ADGRV1: variants seen among roughly 807,000 people sequenced by gnomAD.
ADGRV1 encodes adhesion G protein-coupled receptor V1, also known as G-protein coupled receptor 98.
A neutral mutation model predicts 596.2 loss-of-function variants in ADGRV1; 359 were observed. The observed-to-expected ratio is 0.60, with a 90% CI of 0.55 to 0.66. The LOEUF (loss-of-function observed/expected upper bound fraction) is 0.66. Among genes scored for constraint, ADGRV1 ranks in the 30% least tolerant of loss-of-function variants. The pLI is 0.00. For missense variants in ADGRV1, 7,274 were observed against 7,575.6 expected (o/e 0.96, Z 1.48); for synonymous variants, 2,681 against 2,679.2 (o/e 1.00, Z -0.02).
rs149242792 is a variant in ADGRV1 at position 90,623,362 on chromosome 5, T to G, written c.558+661T>G. Among the ~76,000 whole-genome samples the G allele has an allele frequency of 1.1e-3, 167 of 152,270 alleles. 3 individuals carry two copies. In the East Asian group the frequency reaches 0.024, roughly 22 times the overall value. On this transcript the variant is annotated intron_variant, in intron 5 of 89. Coordinates refer to ENST00000405460, the MANE Select transcript of ADGRV1 (RefSeq NM_032119.4). ...CAGGAAATTTTAAAATACCCATGGA[T>G]TACTTAGGTTTACATAAAATTATTT...
At chr5:91,056,967 C>T (rs376698113) in intron 85 of ADGRV1, among the ~76,000 whole-genome samples, 9 of 152,118 alleles carry the variant, frequency 5.9e-5, no homozygotes, top group Middle Eastern at 3.2e-3. Context: ...AACCATAAAT[C>T]GAGAAATGCC....
chr5:90,672,070 A>T (rs543720465), intron 21 of ADGRV1, among the ~76,000 whole-genome samples: 1 of 152,200 alleles, frequency 6.6e-6, no homozygotes, highest in African/African-American at 2.4e-5. Context: ...ATTGCTTCTT[A>T]TGTCTGTGCC....
intron 58 of ADGRV1, 78 bp from the exon 59 acceptor site, chr5:90,763,227 A>T: frequency 8.5e-7 from 1 of 1,172,554 alleles, no homozygotes; most frequent in Non-Finnish European, 1.1e-6. Flanking sequence ...CATTGTAAAC[A>T]GAAATAAGAT....
chr5:90,594,507 A>ATTG (rs1759985180), intron 1 of ADGRV1, among the ~76,000 whole-genome samples: 6 of 97,404 alleles, frequency 6.2e-5, no homozygotes, highest in African/African-American at 1.8e-4. Context: ...TTTTTTTTTT[A>ATTG]ATCATTCTTG....
At chr5:91,033,742 A>G (rs1404444598) in intron 85 of ADGRV1, among the ~76,000 whole-genome samples, 1 of 152,178 alleles carries the variant, frequency 6.6e-6, no homozygotes, top group Admixed American at 6.5e-5. Flanking sequence ...ATGAGGATTT[A>G]TGATTCCAAA....
intron 85 of ADGRV1, among the ~76,000 whole-genome samples, chr5:91,008,541 TCACC>T (rs1257096371): frequency 6.6e-6 from 1 of 152,154 alleles, no homozygotes; most frequent in African/African-American, 2.4e-5. Context: ...TCTCGCTCTG[TCACC>T]CAGGCTGGAG....
intron 45 of ADGRV1, among the ~76,000 whole-genome samples, chr5:90,724,420 G>A (rs1159730478): frequency 2.6e-5 from 4 of 152,050 alleles, no homozygotes; most frequent in Admixed American, 6.5e-5. Context: ...AGTAGAGAAC[G>A]GTTTCACCAT....
chr5:90,562,891 G>A, intron 1 of ADGRV1, among the ~76,000 whole-genome samples: 1 of 152,166 alleles, frequency 6.6e-6, no homozygotes, highest in Middle Eastern at 3.4e-3. Context: ...ATGTTTTCTG[G>A]TTATTTTAAT....
At chr5:90,711,360 T>C (rs777988200) in intron 41 of ADGRV1, 38 bp downstream of exon 41, 1 of 1,509,768 alleles carries the variant, frequency 6.6e-7, no homozygotes, top group East Asian at 2.3e-5. Context: ...CTTTTACAAA[T>C]TATTTTATAA....
rs200876463 is a variant in ADGRV1 at position 90,853,549 on chromosome 5, A to G, written c.17454+16A>G. On this transcript the variant is annotated intron_variant, in intron 80 of 89. Coordinates refer to ENST00000405460, the MANE Select transcript of ADGRV1 (RefSeq NM_032119.4). ...AAAAAATAAGGTAATCTTTCATTCA[A>G]AACACTTATGTGGTTGGAATCTGAT... 110 of 1,602,600 alleles carry G rather than the reference A, an allele frequency of 6.9e-5. No individual in the cohort carries two copies. In the African/African-American group the frequency reaches 1.3e-3, roughly 18 times the overall value.
intron 30 of ADGRV1, 121 bp from the exon 31 acceptor site, chr5:90,690,676 G>T: frequency 1.0e-6 from 1 of 983,344 alleles, no homozygotes; most frequent in Non-Finnish European, 1.5e-6. Flanking sequence ...TGGTTTTTGT[G>T]GGTTATAGCT....
chr5:90,849,095 GA>G (rs1370434510), intron 79 of ADGRV1, among the ~76,000 whole-genome samples: 1 of 151,812 alleles, frequency 6.6e-6, no homozygotes, highest in Non-Finnish European at 1.5e-5. Flanking sequence ...TTTATTTAAT[GA>G]GTGAAAGATA....
intron 1 of ADGRV1, among the ~76,000 whole-genome samples, chr5:90,588,126 G>C (rs545993936): frequency 6.6e-6 from 1 of 152,150 alleles, no homozygotes; most frequent in Non-Finnish European, 1.5e-5. Context: ...ATTTATGTCT[G>C]TGCTATTATC....
intron 48 of ADGRV1, among the ~76,000 whole-genome samples, chr5:90,727,405 A>G (rs1561608870): frequency 6.6e-6 from 1 of 151,134 alleles, no homozygotes; most frequent in Non-Finnish European, 1.5e-5. Context: ...ACTCCTCCCT[A>G]CTCCAGGTCC....
chr5:90,999,968 A>C (rs1781726103), intron 85 of ADGRV1, among the ~76,000 whole-genome samples: 1 of 152,156 alleles, frequency 6.6e-6, no homozygotes, highest in Admixed American at 6.5e-5. Context: ...AGAAGCAAGG[A>C]TCTGCCTACT....
intron 4 of ADGRV1, among the ~76,000 whole-genome samples, chr5:90,621,166 C>A (rs1401401563): frequency 6.6e-6 from 1 of 152,176 alleles, no homozygotes; most frequent in Non-Finnish European, 1.5e-5. Flanking sequence ...CAGTAACATT[C>A]CTGACTCGGA....
chr5:90,801,940 T>C (rs1761422567), intron 70 of ADGRV1, among the ~76,000 whole-genome samples: 1 of 152,208 alleles, frequency 6.6e-6, no homozygotes, highest in Non-Finnish European at 1.5e-5. Flanking sequence ...TTTTTATTTA[T>C]CCAACATAAA....
rs201073459 is a variant in ADGRV1, at chr5:90,848,725, G to A, written c.17108G>A (p.Arg5703His). The change falls in exon 79 of 90, where the codon CGC becomes CAC. Residue 5703 changes from arginine to histidine, a missense_variant. Coordinates refer to ENST00000405460, the MANE Select transcript of ADGRV1 (RefSeq NM_032119.4). Reference protein sequence around the residue: ...EILCSLINPKRKDTRGFSHFA... With the variant: ...EILCSLINPKHKDTRGFSHFA... Reference sequence around the variant, plus strand: ...CTTTGTTCTCTTATTAACCCAAAGCGCAAGGACACTAGGGGATTCAGTCAC... The same window carrying A: ...CTTTGTTCTCTTATTAACCCAAAGCACAAGGACACTAGGGGATTCAGTCAC... The A allele has an allele frequency of 1.6e-4, 260 of 1,587,468 alleles. No individual in the cohort carries two copies. The highest frequency in any genetic ancestry group is 3.8e-4 in the Admixed American group (21 of 55,216).
chr5:90,724,339 C>T (rs1011736338), intron 45 of ADGRV1, among the ~76,000 whole-genome samples: 11 of 152,144 alleles, frequency 7.2e-5, no homozygotes, highest in Non-Finnish European at 1.0e-4. Context: ...AAGCAATTCT[C>T]GTGCCTCAGC....
Sources: gnomAD v4.1 joint callset for allele counts (sites outside exome capture counted in the v4.1 genomes callset) on GRCh38, gnomAD v4.1.1 for gene constraint, MANE v1.5 for transcripts, NCBI Gene and HGNC (gene_info 2026-07-23, HGNC 2026-07-21) for gene names.